UNC5D: variants seen among roughly 807,000 people sequenced by gnomAD.
UNC5D encodes unc-5 netrin receptor D.
In UNC5D, 39 loss-of-function variants were observed where a neutral mutation model predicts 105.4. The observed-to-expected ratio is 0.37, with a 90% CI of 0.29 to 0.48. The LOEUF (loss-of-function observed/expected upper bound fraction) is 0.48, where lower values mean the gene tolerates loss of function less well. UNC5D is among the 20% of genes least tolerant of loss of function. UNC5D has a pLI of 0.98. For missense variants in UNC5D, 991 were observed against 1,202.4 expected (o/e 0.82, Z 2.60); for synonymous variants, 452 against 450.4 (o/e 1.00, Z -0.04).
intron 1 of UNC5D, among the ~76,000 whole-genome samples, chr8:35,395,037 T>C (rs1387843201): frequency 1.3e-5 from 2 of 152,206 alleles, no homozygotes; most frequent in Non-Finnish European, 2.9e-5. Flanking sequence ...TGTTTGTTTT[T>C]CCTGTAATGT....
chr8:35,615,933 C>T (rs1049567376), intron 4 of UNC5D, among the ~76,000 whole-genome samples: 11 of 152,206 alleles, frequency 7.2e-5, no homozygotes, highest in African/African-American at 2.7e-4. Flanking sequence ...TTCTCATATA[C>T]ATGGACTCAT....
chr8:35,235,996 T>C, intron 1 of UNC5D, 109 bp downstream of exon 1: 2 of 997,764 alleles, frequency 2.0e-6, no homozygotes, highest in East Asian at 3.4e-5. Flanking sequence ...GCCCTGCACC[T>C]CGGCGCTCCA....
intron 2 of UNC5D, among the ~76,000 whole-genome samples, chr8:35,557,392 T>C (rs553709302): frequency 6.6e-6 from 1 of 152,336 alleles, no homozygotes; most frequent in East Asian, 1.9e-4. Flanking sequence ...CACATGCACA[T>C]TCAAAGGATA....
At chr8:35,526,814 C>T (rs1813909754) in intron 1 of UNC5D, among the ~76,000 whole-genome samples, 2 of 152,006 alleles carry the variant, frequency 1.3e-5, no homozygotes, top group South Asian at 2.1e-4. Context: ...CTAGAAATAC[C>T]CAGTGTGTTT....
At chr8:35,412,453 TTTGTATGTTA>T (rs1805237288) in intron 1 of UNC5D, among the ~76,000 whole-genome samples, 2 of 151,694 alleles carry the variant, frequency 1.3e-5, no homozygotes, top group Non-Finnish European at 2.9e-5. Flanking sequence ...CCCCTTGCTT[TTTGTATGTTA>T]TGACAAAAAA....
At chr8:35,469,144 C>T (rs1014165924) in intron 1 of UNC5D, among the ~76,000 whole-genome samples, 1 of 152,158 alleles carries the variant, frequency 6.6e-6, no homozygotes, top group Non-Finnish European at 1.5e-5. Context: ...GTTTTATGAA[C>T]GGCATTCATT....
chr8:35,248,159 AAT>A lies in UNC5D; in HGVS notation c.103+12279_103+12280del, dbSNP rs1213754749. 3.3e-4 allele frequency among the ~76,000 whole-genome samples: 11 copies of A among 33,742 alleles called. 2 individuals are homozygous for A. In the East Asian group the frequency reaches 0.012, roughly 38 times the overall value. The allele number at this position is 33,742 out of a possible 152,430, so 22.1% of individuals were successfully genotyped here. On this transcript the variant is annotated intron_variant, in intron 1 of 16. Coordinates refer to ENST00000404895, the MANE Select transcript of UNC5D (RefSeq NM_080872.4). ...TTATATAAAATATATATAATATATA[AAT>A]ATATATTATATAATATATATAATAT... is the stretch of plus-strand genomic sequence containing the variant.
intron 1 of UNC5D, among the ~76,000 whole-genome samples, chr8:35,432,814 A>G (rs951500534): frequency 2.0e-4 from 31 of 152,130 alleles, no homozygotes; most frequent in African/African-American, 7.5e-4. Context: ...GTCCTGCCGG[A>G]GTACTTTGAT....
At chr8:35,709,824 G>A (rs1018775736) in intron 8 of UNC5D, among the ~76,000 whole-genome samples, 1 of 152,232 alleles carries the variant, frequency 6.6e-6, no homozygotes, top group African/African-American at 2.4e-5. Context: ...CAAATGCTAT[G>A]AGGTGGGAGT....
chr8:35,607,689 T>G (rs1280950891), intron 4 of UNC5D, among the ~76,000 whole-genome samples: 1 of 152,134 alleles, frequency 6.6e-6, no homozygotes, highest in Non-Finnish European at 1.5e-5. Flanking sequence ...TTTTTCCTCT[T>G]TGATGGGCAC....
intron 6 of UNC5D, 80 bp downstream of exon 6, chr8:35,684,829 C>G (rs1825898424): frequency 6.8e-7 from 1 of 1,465,724 alleles, no homozygotes; most frequent in Non-Finnish European, 9.1e-7. Flanking sequence ...ATGTTACCTT[C>G]TTTTCCAAAG....
At chr8:35,689,090 A>G (rs1377522373) in intron 7 of UNC5D, among the ~76,000 whole-genome samples, 1 of 152,186 alleles carries the variant, frequency 6.6e-6, no homozygotes, top group Non-Finnish European at 1.5e-5. Context: ...TACTGGTTGA[A>G]ATTTTTATAG....
chr8:35,369,077 A>G (rs1446882773), intron 1 of UNC5D, among the ~76,000 whole-genome samples: 3 of 152,230 alleles, frequency 2.0e-5, no homozygotes, highest in South Asian at 4.1e-4. Context: ...ATATAACTGT[A>G]TGTATTATAG....
intron 8 of UNC5D, among the ~76,000 whole-genome samples, chr8:35,718,771 A>G (rs996044422): frequency 4.6e-5 from 7 of 152,266 alleles, no homozygotes; most frequent in African/African-American, 1.7e-4. Flanking sequence ...TGCACTGGGT[A>G]CCCTGACTGA....
chr8:35,614,689 A>C (rs1354508805), intron 4 of UNC5D, among the ~76,000 whole-genome samples: 1 of 152,216 alleles, frequency 6.6e-6, no homozygotes, highest in African/African-American at 2.4e-5. Context: ...GGTTAATATA[A>C]GTTATTTTAA....
intron 1 of UNC5D, among the ~76,000 whole-genome samples, chr8:35,277,884 G>T (rs528167613): frequency 6.6e-6 from 1 of 152,152 alleles, no homozygotes. Context: ...TTTCAGAGAT[G>T]GTATTGAATG....
chr8:35,669,287 TTCTC>T (rs542578008), intron 4 of UNC5D, among the ~76,000 whole-genome samples: 4 of 152,094 alleles, frequency 2.6e-5, no homozygotes, highest in East Asian at 1.9e-4. Context: ...ATCTTTCTTG[TTCTC>T]TCTTTTTCTC....
intron 1 of UNC5D, among the ~76,000 whole-genome samples, chr8:35,431,502 G>A (rs1437302262): frequency 3.9e-5 from 6 of 152,028 alleles, no homozygotes; most frequent in Non-Finnish European, 7.4e-5. Context: ...AAAAAAGAAT[G>A]TTTCTAGGAC....
chr8:35,482,917 C>T (rs566035322), intron 1 of UNC5D, among the ~76,000 whole-genome samples: 11 of 150,684 alleles, frequency 7.3e-5, no homozygotes, highest in African/African-American at 2.0e-4. Context: ...ATTCTCCTGC[C>T]GTGGCCCCCC....
Sources: gnomAD v4.1 joint callset for allele counts (sites outside exome capture counted in the v4.1 genomes callset) on GRCh38, gnomAD v4.1.1 for gene constraint, MANE v1.5 for transcripts, NCBI Gene and HGNC (gene_info 2026-07-23, HGNC 2026-07-21) for gene names.